MAGI2: variants seen among roughly 807,000 people sequenced by gnomAD.
MAGI2 encodes membrane-associated guanylate kinase, WW and PDZ domain-containing protein 2.
MAGI2 carries 35 observed loss-of-function variants against 133.3 expected under a neutral mutation model. That is an observed-to-expected ratio of 0.26 (90% confidence interval 0.20 to 0.35). The LOEUF (loss-of-function observed/expected upper bound fraction) is 0.35. Among genes scored for constraint, MAGI2 ranks in the 10% least tolerant of loss-of-function variants. MAGI2 has a pLI of 1.00. For missense variants in MAGI2, 1,636 were observed against 1,863.4 expected, an observed-to-expected ratio of 0.88 and a Z score of 2.25; for synonymous variants, 729 against 710.6, an observed-to-expected ratio of 1.03 and a Z score of -0.41.
At chr7:78,389,819 G>C (rs1233905520) in intron 6 of MAGI2, among the ~76,000 whole-genome samples, 1 of 152,096 alleles carries the variant, frequency 6.6e-6, no homozygotes, top group Non-Finnish European at 1.5e-5. Flanking sequence ...TAACACAGAC[G>C]TCAGAAAAGC....
chr7:78,148,039 T>C (rs1823493464), intron 16 of MAGI2, among the ~76,000 whole-genome samples: 2 of 152,090 alleles, frequency 1.3e-5, no homozygotes, highest in African/African-American at 4.8e-5. Context: ...ACCTAGATAT[T>C]TACCAAGTGA....
intron 5 of MAGI2, among the ~76,000 whole-genome samples, chr7:78,490,440 A>T (rs1386973307): frequency 6.6e-6 from 1 of 152,110 alleles, no homozygotes. Flanking sequence ...CCTGCATTCT[A>T]ATGTTTCTGA....
At position 79,136,694 on chromosome 7, in the gene MAGI2, C is replaced by T. The variant is rs146827046; in HGVS notation, c.302-129488G>A. 1.8e-3 allele frequency among the ~76,000 whole-genome samples: 273 copies of T among 152,238 alleles called. 1 individual carries two copies. Among genetic ancestry groups the T allele is most frequent in the African/African-American group, 6.3e-3 (260 of 41,540 alleles). ...TTATTTGAGTGAACAATTCTAAGTG[C>T]TCTGGTTACATTTTGTTATATAAGG... On this transcript the variant is annotated intron_variant, in intron 1 of 21. Transcript: ENST00000354212.
intron 2 of MAGI2, among the ~76,000 whole-genome samples, chr7:78,774,483 T>A (rs182999876): frequency 7.9e-5 from 12 of 152,284 alleles, no homozygotes; most frequent in African/African-American, 2.9e-4. Flanking sequence ...ATAATTCACT[T>A]CTTTGATTCT....
chr7:79,360,739 A>C (rs9641582), intron 1 of MAGI2, among the ~76,000 whole-genome samples: 22,932 of 152,064 alleles, frequency 0.15, 1,909 homozygotes, highest in East Asian at 0.29. Context: ...AAATAAATTG[A>C]GATTATATCC....
At chr7:78,599,890 G>A (rs1805004750) in intron 3 of MAGI2, among the ~76,000 whole-genome samples, 1 of 152,140 alleles carries the variant, frequency 6.6e-6, no homozygotes, top group African/African-American at 2.4e-5. Context: ...TCTTCTCTCT[G>A]AATTCTGCAT....
In MAGI2 at chr7:78,923,485, T is replaced by C. The variant is rs566441285; in HGVS notation, c.418+83605A>G. 1.1e-4 allele frequency among the ~76,000 whole-genome samples: 16 copies of C among 152,326 alleles called. No homozygotes were observed. In the East Asian group the frequency reaches 3.1e-3, roughly 29 times the overall value. On this transcript the variant is annotated intron_variant, in intron 2 of 21. Coordinates refer to ENST00000354212, the MANE Select transcript of MAGI2 (RefSeq NM_012301.4). ...CCATTGCTTGTTTTTCTCAGGTTTG[T>C]CAAAGATCAGATAGTTGTAGATAAG...
chr7:78,361,150 C>A (rs1792743388), intron 7 of MAGI2, among the ~76,000 whole-genome samples: 1 of 152,268 alleles, frequency 6.6e-6, no homozygotes, highest in African/African-American at 2.4e-5. Context: ...AATCCTAGCA[C>A]TTTGGGAGGC....
intron 6 of MAGI2, among the ~76,000 whole-genome samples, chr7:78,480,596 A>G (rs542300861): frequency 7.2e-5 from 11 of 151,976 alleles, no homozygotes; most frequent in East Asian, 1.9e-4. Context: ...AAATCACTCA[A>G]TGTAATCTAC....
At chr7:79,287,737 T>C (rs1478310875) in intron 1 of MAGI2, among the ~76,000 whole-genome samples, 1 of 152,132 alleles carries the variant, frequency 6.6e-6, no homozygotes, top group Non-Finnish European at 1.5e-5. Flanking sequence ...TCAGTTATTT[T>C]TATCTAGGAT....
intron 1 of MAGI2, among the ~76,000 whole-genome samples, chr7:79,065,461 CCAAA>C: frequency 6.6e-6 from 1 of 151,954 alleles, no homozygotes; most frequent in Non-Finnish European, 1.5e-5. Flanking sequence ...CTTGTTGGTT[CCAAA>C]CAGACATCAA....
intron 6 of MAGI2, among the ~76,000 whole-genome samples, chr7:78,470,118 T>G (rs561532179): frequency 6.6e-6 from 1 of 152,238 alleles, no homozygotes; most frequent in East Asian, 1.9e-4. Context: ...AAAACCACCT[T>G]AAGGATCATT....
intron 21 of MAGI2, among the ~76,000 whole-genome samples, chr7:78,052,510 A>G (rs1016711939): frequency 2.0e-5 from 3 of 152,212 alleles, no homozygotes; most frequent in Non-Finnish European, 4.4e-5. Context: ...CCTCTGCTTT[A>G]TAAATGACCC....
intron 21 of MAGI2, among the ~76,000 whole-genome samples, chr7:78,054,386 AGTG>A (rs1214899875): frequency 1.3e-5 from 2 of 152,112 alleles, no homozygotes; most frequent in Non-Finnish European, 2.9e-5. Context: ...AGGCTCCCAA[AGTG>A]CTGGGATTAC....
At chr7:79,348,440 A>G (rs191973481) in intron 1 of MAGI2, among the ~76,000 whole-genome samples, 4 of 151,986 alleles carry the variant, frequency 2.6e-5, no homozygotes, top group Non-Finnish European at 4.4e-5. Flanking sequence ...GTACATAACT[A>G]TAGTTTGGAT....
At chr7:78,160,994 C>T (rs539918065) in intron 15 of MAGI2, among the ~76,000 whole-genome samples, 3 of 152,204 alleles carry the variant, frequency 2.0e-5, no homozygotes, top group East Asian at 3.9e-4. Flanking sequence ...AATGAAGTGG[C>T]TTAAAAGAAT....
intron 6 of MAGI2, among the ~76,000 whole-genome samples, chr7:78,397,927 T>C (rs1296616707): frequency 6.6e-6 from 1 of 152,180 alleles, no homozygotes; most frequent in Non-Finnish European, 1.5e-5. Context: ...ACTGAAGTTA[T>C]TATATTGACC....
At chr7:78,994,796 A>T (rs1292286425) in intron 2 of MAGI2, among the ~76,000 whole-genome samples, 1 of 152,134 alleles carries the variant, frequency 6.6e-6, no homozygotes, top group Non-Finnish European at 1.5e-5. Flanking sequence ...ACATGATAAT[A>T]CTTGCACGTA....
chr7:79,241,539 C>G (rs937114349), intron 1 of MAGI2, among the ~76,000 whole-genome samples: 4 of 152,062 alleles, frequency 2.6e-5, no homozygotes, highest in Admixed American at 2.6e-4. Context: ...AAGTTAACCA[C>G]AGGAGGAATT....
Sources: allele counts gnomAD v4.1 joint callset (sites outside exome capture counted in the v4.1 genomes callset), GRCh38; gene constraint gnomAD v4.1.1; transcripts MANE v1.5; gene names NCBI Gene and HGNC (gene_info 2026-07-23, HGNC 2026-07-21).